SEMA6D: variants seen among roughly 807,000 people sequenced by gnomAD.
SEMA6D encodes the protein semaphorin 6D.
Under a neutral mutation model 106.6 loss-of-function variants are expected in SEMA6D, and 35 were observed. The ratio of observed to expected loss-of-function variants is 0.33; its 90% CI spans 0.25 to 0.44. The LOEUF (loss-of-function observed/expected upper bound fraction) is 0.44, where lower values mean the gene tolerates loss of function less well. Among genes scored for constraint, SEMA6D ranks in the 20% least tolerant of loss-of-function variants. The pLI is 1.00. For missense variants in SEMA6D, 1,185 were observed against 1,345.9 expected (o/e 0.88, Z 1.87); for synonymous variants, 499 against 487.7 (o/e 1.02, Z -0.31).
intron 1 of SEMA6D, among the ~76,000 whole-genome samples, chr15:47,353,247 G>A (rs16959321): frequency 0.13 from 19,415 of 152,066 alleles, 1,418 homozygotes; most frequent in East Asian, 0.34. Flanking sequence ...CTTTGTAATG[G>A]AGGCCTTAGA....
chr15:47,766,434 C>G lies in SEMA6D; in HGVS notation c.1647-182C>G. On this transcript the variant is annotated intron_variant, in intron 15 of 18. Transcript: ENST00000536845. ...ATTCTCTTCTGTTCTCTTAAGCATT[C>G]TAGTTCACCAGTTTTTAACAGAAAT... 3 of 643,794 alleles carry G rather than the reference C, an allele frequency of 4.7e-6. No homozygotes were observed. The South Asian group carries it at 6.4e-5, about 14-fold the overall frequency. 39.9% of individuals were successfully genotyped at this position (643,794 alleles called of 1,614,324 possible). A position where few individuals can be genotyped will look rare whatever the true frequency, so the allele number is the denominator to read the frequency against.
intron 2 of SEMA6D, among the ~76,000 whole-genome samples, chr15:47,461,027 T>G (rs2042491902): frequency 6.6e-6 from 1 of 152,094 alleles, no homozygotes; most frequent in Non-Finnish European, 1.5e-5. Context: ...TCTCTCTCAC[T>G]CTGCCCAGCC....
At chr15:47,735,180 C>A (rs1174135132) in intron 1 of SEMA6D, among the ~76,000 whole-genome samples, 1 of 152,182 alleles carries the variant, frequency 6.6e-6, no homozygotes, top group Non-Finnish European at 1.5e-5. Flanking sequence ...ATGTTGCCAG[C>A]CCTCTGGCAT....
At chr15:47,506,599 A>AACACAAACACACACACAC (rs2044047006) in intron 3 of SEMA6D, among the ~76,000 whole-genome samples, 1 of 137,796 alleles carries the variant, frequency 7.3e-6, no homozygotes, top group African/African-American at 2.8e-5. Context: ...CACACACACA[A>AACACAAACACACACACAC]ACACACACAC....
At chr15:47,224,927 C>G (rs892327234) in intron 1 of SEMA6D, among the ~76,000 whole-genome samples, 1 of 151,826 alleles carries the variant, frequency 6.6e-6, no homozygotes, top group African/African-American at 2.4e-5. Context: ...GCAGAGGGAA[C>G]CCTGCTTGGT....
At chr15:47,532,071 A>C (rs1430528538) in intron 3 of SEMA6D, among the ~76,000 whole-genome samples, 1 of 152,158 alleles carries the variant, frequency 6.6e-6, no homozygotes, top group Non-Finnish European at 1.5e-5. Context: ...TTGGTATCCA[A>C]AGACCTTGAC....
At chr15:47,455,075 CTAT>C (rs749181556) in intron 2 of SEMA6D, among the ~76,000 whole-genome samples, 3 of 151,368 alleles carry the variant, frequency 2.0e-5, no homozygotes, top group Non-Finnish European at 4.4e-5. Context: ...TAAATGTTAG[CTAT>C]TATTATTATT....
chr15:47,343,676 T>C (rs2037923591), intron 1 of SEMA6D, among the ~76,000 whole-genome samples: 1 of 152,156 alleles, frequency 6.6e-6, no homozygotes, highest in South Asian at 2.1e-4. Context: ...TTTGGGTTGG[T>C]TCCAAGTCTT....
At chr15:47,379,396 T>C (rs1027824202) in intron 1 of SEMA6D, among the ~76,000 whole-genome samples, 1 of 152,140 alleles carries the variant, frequency 6.6e-6, no homozygotes. Flanking sequence ...ATCAAAACAC[T>C]AAGGGAAATT....
intron 2 of SEMA6D, among the ~76,000 whole-genome samples, chr15:47,442,535 A>G (rs2041912579): frequency 6.6e-6 from 1 of 152,132 alleles, no homozygotes; most frequent in South Asian, 2.1e-4. Flanking sequence ...CTCTTTCCTC[A>G]TAATGACTGA....
chr15:47,432,124 T>C (rs1417849148), intron 2 of SEMA6D, among the ~76,000 whole-genome samples: 3 of 152,042 alleles, frequency 2.0e-5, no homozygotes, highest in African/African-American at 7.2e-5. Flanking sequence ...GTTCACAAAA[T>C]CATTAGTGAA....
At chr15:47,677,385 A>C (rs2078267986) in intron 4 of SEMA6D, among the ~76,000 whole-genome samples, 1 of 152,174 alleles carries the variant, frequency 6.6e-6, no homozygotes, top group Admixed American at 6.5e-5. Flanking sequence ...CAAGAGACCC[A>C]GGGAGAAGCT....
intron 3 of SEMA6D, among the ~76,000 whole-genome samples, chr15:47,581,830 G>A (rs1487370956): frequency 3.9e-5 from 6 of 152,150 alleles, no homozygotes; most frequent in Non-Finnish European, 7.4e-5. Context: ...GAGTATCTGA[G>A]GTCTAGAGAG....
intron 3 of SEMA6D, among the ~76,000 whole-genome samples, chr15:47,593,392 C>T (rs1382025721): frequency 9.8e-5 from 10 of 101,626 alleles, no homozygotes; most frequent in East Asian, 2.9e-4. Flanking sequence ...GGCGACAGAG[C>T]GAAACTCCGT....
intron 16 of SEMA6D, 96 bp downstream of exon 16, chr15:47,766,773 C>G (rs1274160809): frequency 2.4e-6 from 2 of 822,502 alleles, no homozygotes; most frequent in Non-Finnish European, 4.0e-6. Context: ...TGACTCAGGA[C>G]ACATACCACC....
At chr15:47,290,451 T>C (rs1459296071) in intron 1 of SEMA6D, among the ~76,000 whole-genome samples, 3 of 152,240 alleles carry the variant, frequency 2.0e-5, no homozygotes, top group Non-Finnish European at 2.9e-5. Context: ...TCTGTGTAAG[T>C]AGAAGAATGA....
At chr15:47,437,118 TAAAAAGAAGTTTCCATTCCTCACCATG>T (rs2041742531) in intron 2 of SEMA6D, among the ~76,000 whole-genome samples, 1 of 151,862 alleles carries the variant, frequency 6.6e-6, no homozygotes, top group Admixed American at 6.6e-5. Context: ...TCACTGACAC[TAAAAAGAAGTTTCCATTCCTCACCATG>T]AAAAAGAAGT....
chr15:47,290,623 TATATATAC>T (rs1325393989), intron 1 of SEMA6D, among the ~76,000 whole-genome samples: 3 of 21,566 alleles, frequency 1.4e-4, no homozygotes, highest in African/African-American at 3.9e-4. Context: ...TAATTATATA[TATATATAC>T]ACACACACAC....
At position 47,772,361 on chromosome 15, in the gene SEMA6D, T is replaced by TGTGTGTGC. The variant is rs1216162738; in HGVS notation, c.*583_*584insCGTGTGTG. On this transcript the variant is annotated 3_prime_UTR_variant, in exon 19 of 19. Transcript: ENST00000536845. ...AACAAACTTGTTGTGTGTGTGCGTGTGTGTGTGTGTGTGTGTGTGTGTGTG... is the reference window on the plus strand; with the variant it reads ...AACAAACTTGTTGTGTGTGTGCGTGTGTGTGTGCGTGTGTGTGTGTGTGTGTGTGTGTG... 1 of 151,104 alleles carries TGTGTGTGC rather than the reference T, an allele frequency of 6.6e-6. No homozygotes were observed. Among genetic ancestry groups the TGTGTGTGC allele is most frequent in the African/African-American group, 2.5e-5 (1 of 40,332 alleles). The allele number at this position is 151,104 out of a possible 1,614,324, so 9.4% of individuals were successfully genotyped here. A position where few individuals can be genotyped will look rare whatever the true frequency, so the allele number is the denominator to read the frequency against.
Sources: allele counts gnomAD v4.1 joint callset (sites outside exome capture counted in the v4.1 genomes callset), GRCh38; gene constraint gnomAD v4.1.1; transcripts MANE v1.5; gene names NCBI Gene and HGNC (gene_info 2026-07-23, HGNC 2026-07-21).